Variants in TFDP2 observed in about 807,000 individuals in gnomAD.
TFDP2 encodes the protein transcription factor Dp-2 (E2F dimerization partner 2).
A neutral mutation model predicts 59.3 loss-of-function variants in TFDP2; 17 were observed. That is an observed-to-expected ratio of 0.29 (90% CI 0.20 to 0.43). The LOEUF is 0.43. Ranked by LOEUF, TFDP2 falls within the 20% of genes least tolerant of loss-of-function variation. The probability of loss-of-function intolerance (pLI) is 1.00; values close to 1 mark genes in which losing one functional copy is unlikely to be tolerated. For missense variants in TFDP2, 391 were observed against 528.8 expected (o/e 0.74, Z 2.56); for synonymous variants, 180 against 194.7 (o/e 0.92, Z 0.63).
chr3:142,097,445 C>T (rs1354338199), intron 2 of TFDP2, among the ~76,000 whole-genome samples: 1 of 152,068 alleles, frequency 6.6e-6, no homozygotes, highest in African/African-American at 2.4e-5. Flanking sequence ...AATAGGAGCA[C>T]CTAGGGAGGC....
At chr3:142,078,124 T>A (rs1003497888) in intron 3 of TFDP2, among the ~76,000 whole-genome samples, 1 of 152,092 alleles carries the variant, frequency 6.6e-6, no homozygotes, top group African/African-American at 2.4e-5. Context: ...TGAGAAGGAC[T>A]TTGTCTTGTG....
At chr3:142,086,380 C>A (rs140989909) in intron 3 of TFDP2, among the ~76,000 whole-genome samples, 1 of 152,312 alleles carries the variant, frequency 6.6e-6, no homozygotes, top group African/African-American at 2.4e-5. Flanking sequence ...CAGTTGCAAG[C>A]ACCAGGTTGT....
intron 3 of TFDP2, among the ~76,000 whole-genome samples, chr3:142,078,006 C>A (rs569304093): frequency 6.6e-6 from 1 of 152,104 alleles, no homozygotes; most frequent in Non-Finnish European, 1.5e-5. Context: ...GACTGAAGAG[C>A]CCTTGAGCCT....
chr3:141,965,411 C>A (rs1242351475), intron 9 of TFDP2, among the ~76,000 whole-genome samples: 1 of 151,548 alleles, frequency 6.6e-6, no homozygotes, highest in Non-Finnish European at 1.5e-5. Flanking sequence ...GTGGGAAGTT[C>A]TCTTGAGCCT....
intron 7 of TFDP2, among the ~76,000 whole-genome samples, chr3:141,975,208 G>A (rs1419549476): frequency 1.3e-5 from 2 of 151,644 alleles, no homozygotes; most frequent in Admixed American, 6.6e-5. Context: ...CACCATGCCC[G>A]GCCTTTTTCT....
chr3:142,124,710 TACAAAAA>T (rs2062174348), intron 1 of TFDP2, among the ~76,000 whole-genome samples: 1 of 152,066 alleles, frequency 6.6e-6, no homozygotes, highest in Admixed American at 6.6e-5. Context: ...CTGATATGAC[TACAAAAA>T]ATGCACATTT....
At chr3:142,113,219 T>G (rs2061722182) in intron 1 of TFDP2, among the ~76,000 whole-genome samples, 1 of 152,188 alleles carries the variant, frequency 6.6e-6, no homozygotes, top group African/African-American at 2.4e-5. Flanking sequence ...TTATCTTTAC[T>G]TGAACCATCA....
intron 6 of TFDP2, among the ~76,000 whole-genome samples, chr3:141,992,936 G>A (rs766747772): frequency 1.1e-4 from 16 of 152,204 alleles, no homozygotes; most frequent in Non-Finnish European, 2.4e-4. Context: ...TGCACAGCCA[G>A]AATGGAGAAG....
rs187534841 is a variant in TFDP2 at position 142,114,033 on chromosome 3, C to T, written c.-92-12192G>A. 3.4e-3 allele frequency among the ~76,000 whole-genome samples: 510 copies of T among 152,098 alleles called. 1 individual carries two copies. Among genetic ancestry groups the T allele is most frequent in the Non-Finnish European group, 5.7e-3 (389 of 67,992 alleles). ...CAAAAAAATTAGCCAGGCGTGATGG[C>T]GGGCGCCTGTAGTCTCAGCTACTCA... On this transcript the variant is annotated intron_variant, in intron 1 of 12. Coordinates refer to ENST00000489671, the MANE Select transcript of TFDP2 (RefSeq NM_001178139.2).
intron 1 of TFDP2, among the ~76,000 whole-genome samples, chr3:142,133,360 G>A (rs1416963203): frequency 6.7e-6 from 1 of 149,090 alleles, no homozygotes; most frequent in South Asian, 2.1e-4. Context: ...GGGACTACAG[G>A]TGTGCGCCAT....
chr3:142,112,699 A>T (rs895906895), intron 1 of TFDP2, among the ~76,000 whole-genome samples: 4 of 152,082 alleles, frequency 2.6e-5, no homozygotes, highest in Non-Finnish European at 4.4e-5. Context: ...ATTTTTTTTT[A>T]AATTGAGACA....
At chr3:142,115,447 T>C (rs1019793902) in intron 1 of TFDP2, among the ~76,000 whole-genome samples, 1 of 151,676 alleles carries the variant, frequency 6.6e-6, no homozygotes, top group African/African-American at 2.4e-5. Context: ...GCCTCCTGAG[T>C]AGCTGGGACT....
At chr3:141,995,194 A>C in intron 4 of TFDP2, 53 bp from the exon 5 acceptor site, 2 of 1,423,744 alleles carry the variant, frequency 1.4e-6, no homozygotes, top group East Asian at 5.1e-5. Flanking sequence ...AGAAAAGCCT[A>C]CAGGCAGAAA....
intron 3 of TFDP2, among the ~76,000 whole-genome samples, chr3:142,017,342 G>A (rs1945205466): frequency 6.6e-6 from 1 of 152,022 alleles, no homozygotes; most frequent in Non-Finnish European, 1.5e-5. Flanking sequence ...ATATTTGTTG[G>A]ATGAATAAAT....
rs181922707 is a variant in TFDP2 at position 142,118,752 on chromosome 3, T to A, written c.-92-16911A>T. On this transcript the variant is annotated intron_variant, in intron 1 of 12. Transcript: ENST00000489671. ...GAAAATAATGAAGAAAATAAAATTT[T>A]AAAAAAAACAGAGAGAAATTGATTG... Among the ~76,000 whole-genome samples, 504 of 151,740 alleles carry A rather than the reference T, an allele frequency of 3.3e-3. 4 individuals carry two copies. Among genetic ancestry groups the A allele is most frequent in the East Asian group, 0.021 (108 of 5,180 alleles).
At chr3:141,977,712 A>AT (rs201589027) in intron 7 of TFDP2, among the ~76,000 whole-genome samples, 6 of 150,036 alleles carry the variant, frequency 4.0e-5, no homozygotes, top group African/African-American at 4.9e-5. Context: ...TAGGCGACCA[A>AT]TTTTTTTTTT....
At chr3:142,139,043 G>A (rs1214712537) in intron 1 of TFDP2, among the ~76,000 whole-genome samples, 2 of 152,136 alleles carry the variant, frequency 1.3e-5, no homozygotes, top group Non-Finnish European at 2.9e-5. Flanking sequence ...ATGAATCTGG[G>A]TGCTCCTATA....
chr3:141,968,313 C>CATAT (rs1938499001), intron 9 of TFDP2, among the ~76,000 whole-genome samples: 3 of 111,990 alleles, frequency 2.7e-5, no homozygotes, highest in African/African-American at 9.8e-5. Flanking sequence ...ATATATATAA[C>CATAT]TATATATAAC....
At chr3:142,036,091 T>C (rs1027807875) in intron 3 of TFDP2, among the ~76,000 whole-genome samples, 1 of 152,198 alleles carries the variant, frequency 6.6e-6, no homozygotes, top group African/African-American at 2.4e-5. Context: ...TACTAGTCCA[T>C]TTGTGCCAAG....
Sources: allele counts gnomAD v4.1 joint callset (sites outside exome capture counted in the v4.1 genomes callset), GRCh38; gene constraint gnomAD v4.1.1; transcripts MANE v1.5; gene names NCBI Gene and HGNC (gene_info 2026-07-23, HGNC 2026-07-21).